NOX4: variants seen among roughly 807,000 people sequenced by gnomAD.
The protein encoded by NOX4 is kidney oxidase-1.
NOX4 carries 69 observed loss-of-function variants against 87.6 expected under a neutral mutation model. That is an observed-to-expected ratio of 0.79 (90% CI 0.65 to 0.96). NOX4 has a LOEUF of 0.96. Among genes scored for constraint, NOX4 ranks in the 40% least tolerant of loss-of-function variants. NOX4 has a pLI of 0.00. For synonymous variants in NOX4, 275 were observed against 238.2 expected (o/e 1.15, Z -1.42); for missense variants, 680 against 681.5 (o/e 1.00, Z 0.02).
At chr11:89,504,940 T>A in the NOX4 span, among the ~76,000 whole-genome samples, 1 of 151,988 alleles carries the variant, frequency 6.6e-6, no homozygotes, top group African/African-American at 2.4e-5. Flanking sequence ...AGTTCTTCTT[T>A]GGTATGGCAA....
the NOX4 span, among the ~76,000 whole-genome samples, chr11:89,562,634 A>T: frequency 6.6e-6 from 1 of 152,138 alleles, no homozygotes. Context: ...ACCATATGAG[A>T]CTATGTATTT....
chr11:89,484,762 CA>C (rs1167733624), intron 2 of NOX4, among the ~76,000 whole-genome samples: 1 of 152,094 alleles, frequency 6.6e-6, no homozygotes, highest in Non-Finnish European at 1.5e-5. Context: ...TAACCCATTT[CA>C]CCCATCAATA....
At chr11:89,570,707 T>A in the NOX4 span, among the ~76,000 whole-genome samples, 1 of 152,124 alleles carries the variant, frequency 6.6e-6, no homozygotes, top group Non-Finnish European at 1.5e-5. Context: ...GGTGCATACC[T>A]GTAGTTGCAG....
chr11:89,522,375 G>GCTT, the NOX4 span, among the ~76,000 whole-genome samples: 1 of 152,134 alleles, frequency 6.6e-6, no homozygotes, highest in Non-Finnish European at 1.5e-5. Flanking sequence ...AATGCAGCTG[G>GCTT]AGGCCATTAT....
At chr11:89,537,096 C>T in the NOX4 span, among the ~76,000 whole-genome samples, 3 of 152,250 alleles carry the variant, frequency 2.0e-5, no homozygotes, top group African/African-American at 7.2e-5. Flanking sequence ...AAGGCATATC[C>T]AGAGCCAAGG....
At chr11:89,430,004 A>T (rs898630453) in intron 7 of NOX4, among the ~76,000 whole-genome samples, 1 of 152,132 alleles carries the variant, frequency 6.6e-6, no homozygotes, top group Admixed American at 6.6e-5. Context: ...AGCTTATCCA[A>T]CATGATGAAG....
rs1006858375 is a variant in NOX4, at chr11:89,357,217, T to C, written c.1136-2174A>G. On this transcript the variant is annotated intron_variant, in intron 12 of 17. Coordinates refer to ENST00000263317, the MANE Select transcript of NOX4 (RefSeq NM_016931.5). ...AGAGATACATAACTGGCTTCTACTG[T>C]TTTTTTTTCTCTCAAAATTCTGACA... 4.3e-5 allele frequency among the ~76,000 whole-genome samples: 4 copies of C among 93,688 alleles called. No individual in the cohort carries two copies. The African/African-American group carries it at 6.9e-4, about 16-fold the overall frequency. The allele number at this position is 93,688 out of a possible 152,430, so 61.5% of individuals were successfully genotyped here.
chr11:89,489,654 G>A (rs1341602038), intron 2 of NOX4, among the ~76,000 whole-genome samples: 1 of 149,908 alleles, frequency 6.7e-6, no homozygotes, highest in Non-Finnish European at 1.5e-5. Flanking sequence ...CTTGAACCAG[G>A]CAATCAGAGG....
At chr11:89,373,353 A>G (rs1272773079) in intron 12 of NOX4, 79 bp downstream of exon 12, 6 of 773,406 alleles carry the variant, frequency 7.8e-6, no homozygotes, top group Non-Finnish European at 1.3e-5. Context: ...ACATGCTGGT[A>G]GTTATATTAA....
the NOX4 span, among the ~76,000 whole-genome samples, chr11:89,528,824 T>C: frequency 6.6e-6 from 1 of 152,186 alleles, no homozygotes; most frequent in Non-Finnish European, 1.5e-5. Context: ...TGCCAGCCAA[T>C]ATATCTACCT....
At chr11:89,384,566 T>C (rs1269279923) in intron 11 of NOX4, among the ~76,000 whole-genome samples, 1 of 152,164 alleles carries the variant, frequency 6.6e-6, no homozygotes, top group African/African-American at 2.4e-5. Context: ...TACCTACTTT[T>C]ACCATCCTGA....
At chr11:89,563,631 A>AT in the NOX4 span, among the ~76,000 whole-genome samples, 1 of 152,120 alleles carries the variant, frequency 6.6e-6, no homozygotes, top group African/African-American at 2.4e-5. Context: ...GAGTCTTTAA[A>AT]TTTTTTATGA....
chr11:89,570,789 G>A, the NOX4 span, among the ~76,000 whole-genome samples: 5 of 152,272 alleles, frequency 3.3e-5, no homozygotes, highest in East Asian at 9.7e-4. Context: ...TTATGCCATT[G>A]CACTGCAGCC....
chr11:89,508,472 G>A, the NOX4 span, among the ~76,000 whole-genome samples: 11 of 152,032 alleles, frequency 7.2e-5, no homozygotes, highest in Non-Finnish European at 1.5e-4. Context: ...AGAAAATAAA[G>A]ACAGTTATAT....
At chr11:89,384,575 G>T (rs1343660754) in intron 11 of NOX4, among the ~76,000 whole-genome samples, 1 of 152,040 alleles carries the variant, frequency 6.6e-6, no homozygotes, top group Non-Finnish European at 1.5e-5. Context: ...TTACCATCCT[G>T]ACTAAACCAT....
At chr11:89,382,964 C>T (rs191017139) in intron 11 of NOX4, among the ~76,000 whole-genome samples, 45 of 152,152 alleles carry the variant, frequency 3.0e-4, no homozygotes, top group African/African-American at 8.7e-4. Context: ...GACCCTTTAC[C>T]GCCCTAGACC....
chr11:89,562,372 A>G, the NOX4 span, among the ~76,000 whole-genome samples: 2 of 151,872 alleles, frequency 1.3e-5, no homozygotes, highest in African/African-American at 4.8e-5. Flanking sequence ...AGATAATAAA[A>G]CTATGGTTTA....
the NOX4 span, among the ~76,000 whole-genome samples, chr11:89,570,676 A>G: frequency 2.7e-3 from 410 of 152,296 alleles, no homozygotes; most frequent in African/African-American, 9.5e-3. Flanking sequence ...TATGAAAGAC[A>G]AGAAATTCAT....
At chr11:89,472,981 T>C (rs536704819) in intron 2 of NOX4, among the ~76,000 whole-genome samples, 3 of 152,276 alleles carry the variant, frequency 2.0e-5, no homozygotes, top group East Asian at 3.9e-4. Flanking sequence ...CTTTTCCTTA[T>C]AGAAATGTAT....
Sources: allele counts gnomAD v4.1 joint callset (sites outside exome capture counted in the v4.1 genomes callset), GRCh38; gene constraint gnomAD v4.1.1; transcripts MANE v1.5; gene names NCBI Gene and HGNC (gene_info 2026-07-23, HGNC 2026-07-21).